Variants in AP1S3 observed in about 807,000 individuals in gnomAD.
The protein encoded by AP1S3 is AP-1 complex subunit sigma-3.
Under a neutral mutation model 20.9 loss-of-function variants are expected in AP1S3, and 10 were observed. That is an observed-to-expected ratio of 0.48 (90% CI 0.29 to 0.81). The LOEUF is 0.81. AP1S3 is among the 30% of genes least tolerant of loss of function. The pLI is 0.08. For synonymous variants in AP1S3, 41 were observed against 61.5 expected, an observed-to-expected ratio of 0.67 and a Z score of 1.56; for missense variants, 154 against 183.8, an observed-to-expected ratio of 0.84 and a Z score of 0.94.
Position 223,797,909 on chromosome 2 carries a change from G to A in AP1S3, c.4-20040C>T, listed in dbSNP as rs183751464. On this transcript the variant is annotated intron_variant, in intron 1 of 4. Transcript: ENST00000396654. ...CAGATGATAGCTGGAGTCCCTCATC[G>A]CACTAACACTCTACAGCTTTGCTTG... Among the ~76,000 whole-genome samples the A allele has an allele frequency of 5.3e-5, 8 of 152,294 alleles. No individual in the cohort carries two copies. The East Asian group carries it at 1.2e-3, about 22-fold the overall frequency.
At chr2:223,831,733 G>A (rs73991882) in intron 1 of AP1S3, among the ~76,000 whole-genome samples, 1,913 of 152,228 alleles carry the variant, frequency 0.013, 28 homozygotes, top group African/African-American at 0.04. Flanking sequence ...ACTGGCTATC[G>A]TAACAACAAA....
chr2:223,828,295 C>CTTTTT (rs775000674), intron 1 of AP1S3, among the ~76,000 whole-genome samples: 6 of 131,386 alleles, frequency 4.6e-5, no homozygotes, highest in African/African-American at 1.1e-4. Flanking sequence ...TCCTCTCTCT[C>CTTTTT]TTTTTTTTTT....
intron 1 of AP1S3, among the ~76,000 whole-genome samples, chr2:223,816,218 C>T (rs866104853): frequency 6.6e-6 from 1 of 152,086 alleles, no homozygotes; most frequent in Admixed American, 6.5e-5. Context: ...GAGGACTTAC[C>T]GTACTACTTT....
In AP1S3 at chr2:223,790,685, T is replaced by A. The variant is rs541806534; in HGVS notation, c.4-12816A>T. On this transcript the variant is annotated intron_variant, in intron 1 of 4. Transcript: ENST00000396654. Reference sequence around the variant, plus strand: ...TATTTATGGTATAAAATGTGATTTTTACACACATATGTTATAAAGTGATTA... The same window carrying A: ...TATTTATGGTATAAAATGTGATTTTAACACACATATGTTATAAAGTGATTA... Among the ~76,000 whole-genome samples the A allele has an allele frequency of 1.1e-4, 17 of 152,330 alleles. No individual in the cohort carries two copies. In the South Asian group the frequency reaches 3.3e-3, roughly 30 times the overall value.
intron 1 of AP1S3, among the ~76,000 whole-genome samples, chr2:223,782,796 C>G (rs966075516): frequency 3.4e-4 from 51 of 152,138 alleles, no homozygotes; most frequent in African/African-American, 1.2e-3. Flanking sequence ...GATTTAGCCC[C>G]CTCACGTTCT....
intron 1 of AP1S3, among the ~76,000 whole-genome samples, chr2:223,785,818 T>G (rs1691058966): frequency 6.6e-6 from 1 of 152,230 alleles, no homozygotes; most frequent in African/African-American, 2.4e-5. Context: ...AGTATGATAC[T>G]ATAATGGTGG....
At chr2:223,777,463 G>A (rs1484338998) in intron 2 of AP1S3, among the ~76,000 whole-genome samples, 1 of 152,156 alleles carries the variant, frequency 6.6e-6, no homozygotes, top group African/African-American at 2.4e-5. Flanking sequence ...GAATGCATGC[G>A]TGCACTATCA....
At chr2:223,796,066 G>A (rs1328229978) in intron 1 of AP1S3, among the ~76,000 whole-genome samples, 15 of 152,162 alleles carry the variant, frequency 9.9e-5, no homozygotes, top group East Asian at 1.9e-4. Context: ...CCAGCTACTC[G>A]GGAGGCTGAG....
chr2:223,767,072 A>G (rs1336654283), intron 3 of AP1S3, among the ~76,000 whole-genome samples: 1 of 152,038 alleles, frequency 6.6e-6, no homozygotes, highest in African/African-American at 2.4e-5. Flanking sequence ...GGGGCAAAAT[A>G]CCTAATGTAG....
chr2:223,807,725 C>T (rs1232592697), intron 1 of AP1S3, among the ~76,000 whole-genome samples: 1 of 152,008 alleles, frequency 6.6e-6, no homozygotes, highest in Non-Finnish European at 1.5e-5. Context: ...AGATGTCTGG[C>T]TCTCCATTCA....
chr2:223,770,979 C>G (rs1482848619), intron 3 of AP1S3, among the ~76,000 whole-genome samples: 2 of 152,026 alleles, frequency 1.3e-5, no homozygotes, highest in Admixed American at 1.3e-4. Context: ...AGTGATCCCC[C>G]CCACCTTGGC....
In AP1S3 at chr2:223,755,657, A is replaced by C. The variant is rs1574677722; in HGVS notation, c.*3058T>G. ...GCGATTCTCCTGCCTCAGCCTCCTG[A>C]GTAGCTGGCACTACAAGCATGTGCC... On this transcript the variant is annotated 3_prime_UTR_variant, in exon 5 of 5. Coordinates refer to ENST00000396654, the MANE Select transcript of AP1S3 (RefSeq NM_001039569.2). The C allele has an allele frequency of 5.9e-6, 1 of 168,366 alleles. No individual in the cohort carries two copies. The highest frequency in any genetic ancestry group is 2.4e-5 in the African/African-American group (1 of 41,336). 10.4% of individuals were successfully genotyped at this position (168,366 alleles called of 1,614,324 possible).
chr2:223,808,468 C>G (rs192734806), intron 1 of AP1S3, among the ~76,000 whole-genome samples: 80 of 152,318 alleles, frequency 5.3e-4, no homozygotes, highest in Admixed American at 1.8e-3. Flanking sequence ...ACCTGAAACA[C>G]TGCAGAAGAA....
chr2:223,763,698 T>G (rs115557967), intron 4 of AP1S3, among the ~76,000 whole-genome samples: 34 of 151,988 alleles, frequency 2.2e-4, no homozygotes, highest in African/African-American at 7.5e-4. Flanking sequence ...GCATTGGCCT[T>G]CTAATAGGCA....
chr2:223,837,415 G>T, intron 1 of AP1S3, 33 bp downstream of exon 1: 2 of 1,154,664 alleles, frequency 1.7e-6, no homozygotes, highest in South Asian at 3.7e-5. Flanking sequence ...CGCCCCCACC[G>T]CCTACCCGGG....
intron 1 of AP1S3, among the ~76,000 whole-genome samples, chr2:223,824,688 C>T (rs1692078929): frequency 6.6e-6 from 1 of 152,032 alleles, no homozygotes; most frequent in South Asian, 2.1e-4. Flanking sequence ...CAGGCGCCTG[C>T]CACATGCGCA....
chr2:223,790,947 C>A (rs1476190669), intron 1 of AP1S3, among the ~76,000 whole-genome samples: 1 of 152,140 alleles, frequency 6.6e-6, no homozygotes, highest in Non-Finnish European at 1.5e-5. Context: ...TGGACACATA[C>A]ACCCTCCCAA....
At chr2:223,826,307 C>A in intron 1 of AP1S3, among the ~76,000 whole-genome samples, 1 of 114,518 alleles carries the variant, frequency 8.7e-6, no homozygotes, top group East Asian at 2.5e-4. Flanking sequence ...ACATTAATAA[C>A]TTGCGGCAGG....
intron 1 of AP1S3, among the ~76,000 whole-genome samples, chr2:223,780,506 G>T (rs1690918872): frequency 6.6e-6 from 1 of 151,332 alleles, no homozygotes; most frequent in African/African-American, 2.4e-5. Context: ...GCTCACTGCA[G>T]CTTCAGCCTC....
Sources: gnomAD v4.1 joint callset for allele counts (sites outside exome capture counted in the v4.1 genomes callset) on GRCh38, gnomAD v4.1.1 for gene constraint, MANE v1.5 for transcripts, NCBI Gene and HGNC (gene_info 2026-07-23, HGNC 2026-07-21) for gene names.